The following NWD1 variants were observed in gnomAD, a reference collection of about 807,000 sequenced individuals.
NWD1 encodes NACHT domain- and WD repeat-containing protein 1.
NWD1 carries 129 observed loss-of-function variants against 135.1 expected under a neutral mutation model. That is an observed-to-expected ratio of 0.96 (90% confidence interval 0.83 to 1.11). The LOEUF is 1.11. Among genes scored for constraint, NWD1 ranks in the 50% least tolerant of loss-of-function variants. The pLI is 0.00. For missense variants in NWD1, 1,740 were observed against 1,851.3 expected (o/e 0.94, Z 1.10); for synonymous variants, 773 against 786.0 (o/e 0.98, Z 0.28).
intron 18 of NWD1, among the ~76,000 whole-genome samples, chr19:16,811,767 AT>A (rs1317437467): frequency 6.6e-6 from 1 of 152,058 alleles, no homozygotes; most frequent in African/African-American, 2.4e-5. Flanking sequence ...CATTGGATCC[AT>A]CCCCCTGTGG....
At chr19:16,736,173 T>TTTCTTTCCTTCTTTCCTTCTTTCC (rs1336396837) in intron 3 of NWD1, among the ~76,000 whole-genome samples, 2 of 68,510 alleles carry the variant, frequency 2.9e-5, no homozygotes, top group African/African-American at 1.2e-4. Flanking sequence ...TGGCAGTCTT[T>TTTCTTTCCTTCTTTCCTTCTTTCC]TTCTTTCCTT....
chr19:16,804,995 A>T (rs982628444), intron 17 of NWD1, among the ~76,000 whole-genome samples: 2 of 150,086 alleles, frequency 1.3e-5, no homozygotes, highest in African/African-American at 4.9e-5. Flanking sequence ...ACTCCTGGAG[A>T]CTTTAAAATT....
chr19:16,749,542 C>G lies in NWD1; in HGVS notation c.900C>G (p.His300Gln). The G allele has an allele frequency of 2.5e-6, 4 of 1,612,876 alleles. No homozygotes were observed. Among genetic ancestry groups the G allele is most frequent in the Non-Finnish European group, 3.4e-6 (4 of 1,178,978 alleles). The change falls in exon 6 of 19, where the codon CAC (histidine) becomes CAG (glutamine). Residue 300 changes from histidine (H) to glutamine (Q), a missense_variant. Transcript: ENST00000524140. ...ELAWLYQEIR[H>Q]HLWQSSEVIQ... ...CGTGGCTCTACCAAGAGATCCGCCA[C>G]CACCTTTGGCAGAGCTCGGAGGTCA...
intron 6 of NWD1, among the ~76,000 whole-genome samples, chr19:16,758,728 G>A (rs947765459): frequency 6.6e-6 from 1 of 152,110 alleles, no homozygotes; most frequent in African/African-American, 2.4e-5. Context: ...GCCATTTATG[G>A]TTCTGTAGGT....
At chr19:16,798,546 G>A (rs561881759) in intron 16 of NWD1, among the ~76,000 whole-genome samples, 1 of 152,312 alleles carries the variant, frequency 6.6e-6, no homozygotes, top group Non-Finnish European at 1.5e-5. Context: ...GGGAGGTAGA[G>A]GCTGCAGTGA....
chr19:16,790,684 A>C (rs1436164133), intron 13 of NWD1, among the ~76,000 whole-genome samples: 2 of 151,906 alleles, frequency 1.3e-5, no homozygotes, highest in Non-Finnish European at 1.5e-5. Context: ...AACACTTGAA[A>C]TGTGACTGTC....
At chr19:16,756,755 C>A (rs1160753027) in intron 6 of NWD1, among the ~76,000 whole-genome samples, 1 of 152,232 alleles carries the variant, frequency 6.6e-6, no homozygotes, top group Admixed American at 6.5e-5. Context: ...TGTTAGGAAC[C>A]AGGCTGCACA....
intron 17 of NWD1, among the ~76,000 whole-genome samples, chr19:16,804,475 G>A (rs778179787): frequency 1.3e-5 from 2 of 151,834 alleles, no homozygotes; most frequent in Non-Finnish European, 2.9e-5. Flanking sequence ...CATGCCTGTA[G>A]TCCTAGTTAC....
intron 10 of NWD1, among the ~76,000 whole-genome samples, chr19:16,768,509 A>G (rs1260882363): frequency 6.6e-6 from 1 of 152,238 alleles, no homozygotes; most frequent in Non-Finnish European, 1.5e-5. Context: ...ATTTTCCACA[A>G]AAGCTACACC....
rs571256285 is a variant in NWD1, at chr19:16,740,069, G to A, written c.198+3319G>A. Among the ~76,000 whole-genome samples the A allele has an allele frequency of 2.0e-4, 30 of 151,974 alleles. No homozygotes were observed. The South Asian group carries it at 5.2e-3, about 26-fold the overall frequency. On this transcript the variant is annotated intron_variant, in intron 4 of 18. Transcript: ENST00000524140. ...CCCAGCGCTTTGAGAGGCTAAAGCC[G>A]GAGGATCGTGTGATCCCAGGAGTTC...
chr19:16,789,716 CTT>C (rs11383216), intron 13 of NWD1, among the ~76,000 whole-genome samples: 232 of 119,548 alleles, frequency 1.9e-3, no homozygotes, highest in South Asian at 5.5e-3. Flanking sequence ...TCCTCTCTCT[CTT>C]TTTTTTTTTT....
chr19:16,768,763 G>A (rs1053617382), intron 10 of NWD1, among the ~76,000 whole-genome samples: 20 of 152,184 alleles, frequency 1.3e-4, no homozygotes, highest in African/African-American at 4.6e-4. Flanking sequence ...GGAAGGGGGA[G>A]TATTCAAGAT....
chr19:16,763,768 G>T, intron 8 of NWD1, 60 bp from the exon 9 acceptor site: 2 of 1,041,736 alleles, frequency 1.9e-6, no homozygotes, highest in Admixed American at 1.7e-5. Context: ...GAATGGGCTT[G>T]TGCGTGGAGT....
chr19:16,771,465 A>T (rs913546717), intron 10 of NWD1, among the ~76,000 whole-genome samples: 2 of 152,168 alleles, frequency 1.3e-5, no homozygotes, highest in African/African-American at 4.8e-5. Context: ...ACACAAATAA[A>T]TAAAGAGAAG....
At chr19:16,727,018 A>G (rs1375374558) in intron 2 of NWD1, among the ~76,000 whole-genome samples, 3 of 151,426 alleles carry the variant, frequency 2.0e-5, no homozygotes, top group African/African-American at 7.3e-5. Context: ...TGGGAAGGGC[A>G]GAATGGGGTG....
Position 16,749,942 on chromosome 19 carries a change from C to A in NWD1, c.1300C>A (p.Leu434Ile). The A allele has an allele frequency of 6.2e-7, 1 of 1,613,790 alleles. No individual in the cohort carries two copies. Among genetic ancestry groups the A allele is most frequent in the Non-Finnish European group, 8.5e-7 (1 of 1,180,026 alleles). Residue 434 changes from leucine to isoleucine, a missense_variant, in exon 6 of 19, where the codon CTC (leucine) becomes ATC (isoleucine). Physicochemically the swap from Leu to Ile is conservative, Grantham distance 5. Coordinates refer to ENST00000524140, the MANE Select transcript of NWD1 (RefSeq NM_001007525.5). ...VSCRNFESLV[L>I]LLDAMDDLDS... is the part of the protein sequence containing the mutation. ...TTGCAGAAACTTCGAGTCTCTCGTG[C>A]TCCTGCTGGATGCTATGGATGACCT...
At chr19:16,728,151 T>C (rs964257513) in intron 2 of NWD1, among the ~76,000 whole-genome samples, 3 of 152,120 alleles carry the variant, frequency 2.0e-5, no homozygotes, top group African/African-American at 4.8e-5. Context: ...TTCAGTGAAG[T>C]CAGTTGGCAA....
intron 11 of NWD1, among the ~76,000 whole-genome samples, chr19:16,774,924 C>A (rs879569922): frequency 2.6e-5 from 4 of 152,022 alleles, no homozygotes; most frequent in Admixed American, 2.6e-4. Context: ...AAACTGATTC[C>A]TCCATCTACC....
At chr19:16,805,386 G>T (rs189301751) in intron 17 of NWD1, among the ~76,000 whole-genome samples, 3 of 151,538 alleles carry the variant, frequency 2.0e-5, no homozygotes, top group East Asian at 2.0e-4. Flanking sequence ...TAGAGATAAG[G>T]TCTCTCTATC....
Sources: gnomAD v4.1 joint callset for allele counts (sites outside exome capture counted in the v4.1 genomes callset) on GRCh38, gnomAD v4.1.1 for gene constraint, MANE v1.5 for transcripts, NCBI Gene and HGNC (gene_info 2026-07-23, HGNC 2026-07-21) for gene names.